The following FNDC3B variants were observed in gnomAD, a reference collection of about 807,000 sequenced individuals.
FNDC3B encodes fibronectin type III domain-containing protein 3B.
A neutral mutation model predicts 151.5 loss-of-function variants in FNDC3B; 12 were observed. The ratio of observed to expected loss-of-function variants is 0.08; its 90% CI spans 0.05 to 0.13. The LOEUF is 0.13. Ranked by LOEUF, FNDC3B falls within the 10% of genes least tolerant of loss-of-function variation. The probability of loss-of-function intolerance (pLI) is 1.00; values close to 1 mark genes in which losing one functional copy is unlikely to be tolerated. For missense variants in FNDC3B, 1,214 were observed against 1,505.3 expected (o/e 0.81, Z 3.20); for synonymous variants, 528 against 549.0 (o/e 0.96, Z 0.54).
chr3:172,173,036 T>G (rs1377523889), intron 3 of FNDC3B, among the ~76,000 whole-genome samples: 2 of 152,182 alleles, frequency 1.3e-5, no homozygotes, highest in African/African-American at 2.4e-5. Flanking sequence ...GTGAGAAAAT[T>G]TCAATGAAGT....
At chr3:172,342,763 A>G (rs1300826268) in intron 17 of FNDC3B, among the ~76,000 whole-genome samples, 1 of 152,238 alleles carries the variant, frequency 6.6e-6, no homozygotes, top group Non-Finnish European at 1.5e-5. Flanking sequence ...TGCTAATCTA[A>G]CTTCAAAAAT....
At chr3:172,211,018 C>G (rs1220474968) in intron 3 of FNDC3B, among the ~76,000 whole-genome samples, 1 of 152,088 alleles carries the variant, frequency 6.6e-6, no homozygotes, top group Non-Finnish European at 1.5e-5. Flanking sequence ...CTCTGCTGTT[C>G]CAGAAACCTT....
chr3:172,353,098 G>A lies in FNDC3B; in HGVS notation c.2795+15G>A, dbSNP rs1220223853. On this transcript the variant is annotated intron_variant, in intron 22 of 25. Transcript: ENST00000415807. ...ACCACCTACCGGTGAGTGCAAGGGAGTAGAAATCTGCATCAGCACATCAGC... is the reference window on the plus strand; with the variant it reads ...ACCACCTACCGGTGAGTGCAAGGGAATAGAAATCTGCATCAGCACATCAGC... 4 of 1,607,872 alleles carry A rather than the reference G, an allele frequency of 2.5e-6. No individual in the cohort carries two copies. The East Asian group carries it at 8.9e-5, about 36-fold the overall frequency.
intron 1 of FNDC3B, among the ~76,000 whole-genome samples, chr3:172,046,312 A>G (rs550697591): frequency 7.9e-5 from 12 of 152,114 alleles, no homozygotes; most frequent in African/African-American, 2.7e-4. Flanking sequence ...GTGTCAGTTT[A>G]GACATTGGCT....
intron 3 of FNDC3B, among the ~76,000 whole-genome samples, chr3:172,205,030 A>G (rs1372604923): frequency 6.6e-6 from 1 of 152,220 alleles, no homozygotes; most frequent in East Asian, 1.9e-4. Flanking sequence ...GTGAGTGGAA[A>G]GGTAGATTTC....
At chr3:172,097,142 G>T (rs1297238849) in intron 1 of FNDC3B, among the ~76,000 whole-genome samples, 2 of 152,158 alleles carry the variant, frequency 1.3e-5, no homozygotes, top group Admixed American at 6.5e-5. Context: ...CAGAAAGTTT[G>T]ATTTATTTTG....
chr3:172,334,834 T>C, intron 14 of FNDC3B, 110 bp from the exon 15 acceptor site: 1 of 884,650 alleles, frequency 1.1e-6, no homozygotes, highest in Admixed American at 2.4e-5. Flanking sequence ...AAAAAATGTG[T>C]GTGTGTCTGA....
At chr3:172,207,214 G>A (rs773365487) in intron 3 of FNDC3B, among the ~76,000 whole-genome samples, 5 of 152,082 alleles carry the variant, frequency 3.3e-5, no homozygotes, top group Admixed American at 6.6e-5. Flanking sequence ...AGGGAAACAG[G>A]ATATTAATTT....
At chr3:172,137,979 A>G (rs1024120291) in intron 3 of FNDC3B, among the ~76,000 whole-genome samples, 1 of 152,242 alleles carries the variant, frequency 6.6e-6, no homozygotes, top group Admixed American at 6.5e-5. Context: ...AATAGAGGGC[A>G]CACTTGGGTC....
chr3:172,223,475 C>T (rs559383258), intron 3 of FNDC3B, among the ~76,000 whole-genome samples: 149 of 152,248 alleles, frequency 9.8e-4, no homozygotes, highest in African/African-American at 3.4e-3. Flanking sequence ...GTGAAGAAAA[C>T]CTTTTCTAGC....
intron 2 of FNDC3B, 34 bp downstream of exon 2, chr3:172,112,624 TG>T (rs1720035204): frequency 1.5e-6 from 2 of 1,377,508 alleles, no homozygotes; most frequent in East Asian, 4.6e-5. Context: ...TAAGTCAAAT[TG>T]TCTAAGTGGG....
chr3:172,187,696 G>T (rs921006809), intron 3 of FNDC3B, among the ~76,000 whole-genome samples: 1 of 152,038 alleles, frequency 6.6e-6, no homozygotes, highest in Non-Finnish European at 1.5e-5. Context: ...ACTTTGTTGC[G>T]CAGGCTAGAG....
At chr3:172,285,191 C>T (rs1278531870) in intron 6 of FNDC3B, among the ~76,000 whole-genome samples, 2 of 152,160 alleles carry the variant, frequency 1.3e-5, no homozygotes, top group African/African-American at 4.8e-5. Flanking sequence ...TTTCCTCACC[C>T]TTACCCATCA....
chr3:172,324,849 C>T (rs1047477516), intron 11 of FNDC3B, among the ~76,000 whole-genome samples: 2 of 152,224 alleles, frequency 1.3e-5, no homozygotes, highest in South Asian at 2.1e-4. Context: ...CTTTTCCATA[C>T]CCCGCTGAGA....
intron 1 of FNDC3B, among the ~76,000 whole-genome samples, chr3:172,106,306 C>T (rs1385628967): frequency 1.3e-5 from 2 of 152,096 alleles, no homozygotes; most frequent in East Asian, 1.9e-4. Context: ...CAGTTTTCCA[C>T]TGACCTTTTT....
At chr3:172,363,338 T>C (rs1734454533) in intron 23 of FNDC3B, among the ~76,000 whole-genome samples, 2 of 152,284 alleles carry the variant, frequency 1.3e-5, no homozygotes, top group Admixed American at 1.3e-4. Context: ...CCAGAGCAAA[T>C]AGGAGATTCT....
At chr3:172,234,639 C>A (rs1027204525) in intron 4 of FNDC3B, among the ~76,000 whole-genome samples, 1 of 152,154 alleles carries the variant, frequency 6.6e-6, no homozygotes, top group East Asian at 1.9e-4. Flanking sequence ...TAGTTTTCAC[C>A]TCTATACAAA....
intron 7 of FNDC3B, among the ~76,000 whole-genome samples, chr3:172,291,826 C>T (rs1362006187): frequency 4.6e-5 from 7 of 152,124 alleles, no homozygotes; most frequent in African/African-American, 1.4e-4. Flanking sequence ...CCTAGTTAAG[C>T]TTGTTGGTCA....
intron 1 of FNDC3B, among the ~76,000 whole-genome samples, chr3:172,092,236 GGAGATCCA>G (rs1340963433): frequency 1.3e-5 from 2 of 152,112 alleles, no homozygotes; most frequent in African/African-American, 4.8e-5. Flanking sequence ...CAGCAAACCT[GGAGATCCA>G]GGAAGAGATT....
Sources: allele counts gnomAD v4.1 joint callset (sites outside exome capture counted in the v4.1 genomes callset), GRCh38; gene constraint gnomAD v4.1.1; transcripts MANE v1.5; gene names NCBI Gene and HGNC (gene_info 2026-07-23, HGNC 2026-07-21).